NCK2: variants seen among roughly 807,000 people sequenced by gnomAD.
NCK2 encodes cytoplasmic protein NCK2.
In NCK2, 16 loss-of-function variants were observed where a neutral mutation model predicts 33.9. That is an observed-to-expected ratio of 0.47 (90% CI 0.32 to 0.72). NCK2 has a LOEUF of 0.72. Ranked by LOEUF, NCK2 falls within the 30% of genes least tolerant of loss-of-function variation. The pLI is 0.03. For missense variants in NCK2, 418 were observed against 537.3 expected, an observed-to-expected ratio of 0.78 and a Z score of 2.19; for synonymous variants, 273 against 239.9, an observed-to-expected ratio of 1.14 and a Z score of -1.27.
chr2:105,820,808 A>G (rs1161513983), intron 2 of NCK2, among the ~76,000 whole-genome samples: 1 of 152,240 alleles, frequency 6.6e-6, no homozygotes, highest in Non-Finnish European at 1.5e-5. Context: ...TTCATGACAG[A>G]CATGTCCTAA....
At chr2:105,883,905 G>A (rs540944938) in intron 4 of NCK2, among the ~76,000 whole-genome samples, 52 of 152,296 alleles carry the variant, frequency 3.4e-4, no homozygotes, top group Middle Eastern at 3.4e-3. Context: ...AATATAGGGC[G>A]GAAAGAGCTT....
chr2:105,868,061 T>C (rs1677831681), intron 3 of NCK2, among the ~76,000 whole-genome samples: 1 of 152,212 alleles, frequency 6.6e-6, no homozygotes, highest in Admixed American at 6.5e-5. Context: ...GCTCGTTTAC[T>C]GGCTTGATGT....
At chr2:105,793,378 TTCAGAGG>T (rs1690962268) in intron 1 of NCK2, among the ~76,000 whole-genome samples, 1 of 152,198 alleles carries the variant, frequency 6.6e-6, no homozygotes, top group Non-Finnish European at 1.5e-5. Flanking sequence ...TTAAAGGTTC[TTCAGAGG>T]TCAGGTGAGC....
At chr2:105,830,717 T>TGTGTGTGTG (rs1352679713) in intron 2 of NCK2, among the ~76,000 whole-genome samples, 3,104 of 97,640 alleles carry the variant, frequency 0.032, 79 homozygotes, top group Admixed American at 0.053. Flanking sequence ...GTGTGTGTGT[T>TGTGTGTGTG]TGGTCTGATA....
chr2:105,853,576 T>G (rs1677145740), intron 2 of NCK2, among the ~76,000 whole-genome samples: 1 of 152,212 alleles, frequency 6.6e-6, no homozygotes, highest in Non-Finnish European at 1.5e-5. Flanking sequence ...ACTTATTTTC[T>G]TACTGTCTCC....
chr2:105,755,082 T>G (rs1157326787), intron 1 of NCK2, among the ~76,000 whole-genome samples: 1 of 152,172 alleles, frequency 6.6e-6, no homozygotes, highest in African/African-American at 2.4e-5. Context: ...CTCATATGAC[T>G]TTTCTTTTAT....
chr2:105,853,131 A>C (rs888904092), intron 2 of NCK2, among the ~76,000 whole-genome samples: 3 of 152,100 alleles, frequency 2.0e-5, no homozygotes, highest in African/African-American at 7.2e-5. Context: ...TCTGTCAGGG[A>C]GGAAGGGGAT....
intron 1 of NCK2, among the ~76,000 whole-genome samples, chr2:105,782,312 A>G (rs374177160): frequency 6.6e-6 from 1 of 152,144 alleles, no homozygotes; most frequent in African/African-American, 2.4e-5. Flanking sequence ...GATGGCTTCC[A>G]CCAGCCCATG....
intron 1 of NCK2, among the ~76,000 whole-genome samples, chr2:105,794,558 A>C (rs990052459): frequency 6.6e-6 from 1 of 152,132 alleles, no homozygotes; most frequent in Admixed American, 6.5e-5. Context: ...TCACAGGGGA[A>C]ATACAGTCCA....
rs746651316 is a variant in NCK2 at position 105,881,974 on chromosome 2, G to A, written c.873G>A (p.Thr291=). Residue 291 remains threonine, a synonymous_variant, in exon 4 of 5, where the codon ACG becomes ACA. Transcript: ENST00000233154. The part of the protein sequence containing the change: ...AGREWYYGNV[T]RHQAECALNE... ...GAGAGTGGTACTACGGGAACGTGAC[G>A]CGGCACCAGGCCGAGTGCGCCCTCA... 1.6e-5 allele frequency: 24 copies of A among 1,522,222 alleles called. No individual in the cohort carries two copies. The Admixed American group carries it at 2.9e-4, about 18-fold the overall frequency. 94.3% of individuals were successfully genotyped at this position (1,522,222 alleles called of 1,614,324 possible).
chr2:105,824,700 A>G (rs773205035), intron 2 of NCK2, among the ~76,000 whole-genome samples: 2 of 152,076 alleles, frequency 1.3e-5, no homozygotes, highest in South Asian at 2.1e-4. Context: ...TTGTGCTTTC[A>G]TGGCTGGGTT....
intron 2 of NCK2, among the ~76,000 whole-genome samples, chr2:105,832,886 T>C (rs1187188039): frequency 1.3e-5 from 2 of 151,632 alleles, no homozygotes; most frequent in Admixed American, 6.6e-5. Flanking sequence ...TTTTGTTTCG[T>C]TTTGTTTTGT....
intron 3 of NCK2, 123 bp from the exon 4 acceptor site, chr2:105,881,205 A>C: frequency 7.5e-7 from 1 of 1,331,780 alleles, no homozygotes; most frequent in South Asian, 1.5e-5. Flanking sequence ...GTTTGTAAGC[A>C]CTGTCCATGT....
chr2:105,842,518 T>C (rs1209378991), intron 2 of NCK2, among the ~76,000 whole-genome samples: 2 of 152,224 alleles, frequency 1.3e-5, no homozygotes, highest in Non-Finnish European at 2.9e-5. Flanking sequence ...ATTATACATA[T>C]GCTTTATGAC....
At chr2:105,885,791 T>C (rs930809822) in intron 4 of NCK2, among the ~76,000 whole-genome samples, 1 of 152,232 alleles carries the variant, frequency 6.6e-6, no homozygotes, top group African/African-American at 2.4e-5. Flanking sequence ...TACATTTCCA[T>C]GAATTATAAA....
chr2:105,877,998 C>T (rs1407451073), intron 3 of NCK2, among the ~76,000 whole-genome samples: 2 of 152,246 alleles, frequency 1.3e-5, no homozygotes, highest in African/African-American at 2.4e-5. Context: ...AATTTCACTG[C>T]ACCAGCAGCT....
intron 1 of NCK2, among the ~76,000 whole-genome samples, chr2:105,747,548 G>A (rs1048836349): frequency 3.3e-5 from 5 of 152,200 alleles, no homozygotes; most frequent in African/African-American, 1.2e-4. Context: ...CATTAAAAAT[G>A]AGGCTTAAAG....
intron 2 of NCK2, among the ~76,000 whole-genome samples, chr2:105,831,359 A>G (rs941545106): frequency 6.6e-6 from 1 of 151,976 alleles, no homozygotes; most frequent in African/African-American, 2.4e-5. Flanking sequence ...CTGGAGGCAC[A>G]TGGTGCTTGA....
chr2:105,813,486 T>TAGTCAGGGACCTC, intron 1 of NCK2, among the ~76,000 whole-genome samples: 1 of 152,338 alleles, frequency 6.6e-6, no homozygotes, highest in Non-Finnish European at 1.5e-5. Context: ...GGAGTTGCCT[T>TAGTCAGGGACCTC]AGTCAGGGAC....
Sources: allele counts gnomAD v4.1 joint callset (sites outside exome capture counted in the v4.1 genomes callset), GRCh38; gene constraint gnomAD v4.1.1; transcripts MANE v1.5; gene names NCBI Gene and HGNC (gene_info 2026-07-23, HGNC 2026-07-21).